The following KCNMA1 variants were observed in gnomAD, a reference collection of about 807,000 sequenced individuals.
KCNMA1 encodes Calcium-activated potassium channel subunit alpha-1.
Under a neutral mutation model 140.0 loss-of-function variants are expected in KCNMA1, and 29 were observed. That is an observed-to-expected ratio of 0.21 (90% CI 0.15 to 0.28). The LOEUF is 0.28. Among genes scored for constraint, KCNMA1 ranks in the 10% least tolerant of loss-of-function variants. KCNMA1 has a pLI of 1.00. For missense variants in KCNMA1, 880 were observed against 1,602.2 expected (o/e 0.55, Z 7.70); for synonymous variants, 612 against 611.9 (o/e 1.00, Z 0.00).
At chr10:76,983,250 A>T (rs2080125766) in intron 19 of KCNMA1, among the ~76,000 whole-genome samples, 1 of 152,252 alleles carries the variant, frequency 6.6e-6, no homozygotes, top group African/African-American at 2.4e-5. Context: ...ACATTTCAAG[A>T]TGTTCTCTGT....
At chr10:77,348,594 G>C (rs1051494294) in intron 2 of KCNMA1, among the ~76,000 whole-genome samples, 1 of 152,206 alleles carries the variant, frequency 6.6e-6, no homozygotes, top group Non-Finnish European at 1.5e-5. Context: ...ACATTAGCTT[G>C]GGCTGCTGGG....
At chr10:77,201,294 T>A (rs2042371711) in intron 3 of KCNMA1, among the ~76,000 whole-genome samples, 1 of 152,132 alleles carries the variant, frequency 6.6e-6, no homozygotes, top group Non-Finnish European at 1.5e-5. Context: ...GACCATGCGG[T>A]CATATTTGTT....
chr10:76,990,001 C>T (rs1338763283), intron 19 of KCNMA1, among the ~76,000 whole-genome samples: 1 of 152,110 alleles, frequency 6.6e-6, no homozygotes, highest in African/African-American at 2.4e-5. Context: ...CAACATATAC[C>T]AGGCAATCTT....
chr10:76,879,441 G>A (rs2033641970), intron 29 of KCNMA1, among the ~76,000 whole-genome samples: 1 of 152,122 alleles, frequency 6.6e-6, no homozygotes, highest in Non-Finnish European at 1.5e-5. Context: ...TCCTCACAGT[G>A]AAGCTAACTG....
intron 1 of KCNMA1, among the ~76,000 whole-genome samples, chr10:77,534,005 C>G (rs931018792): frequency 2.1e-4 from 32 of 152,252 alleles, no homozygotes; most frequent in African/African-American, 7.7e-4. Context: ...TTGGTGCTGG[C>G]CTCTAGGCCA....
chr10:77,549,020 C>T (rs1409837362), intron 1 of KCNMA1, among the ~76,000 whole-genome samples: 1 of 152,224 alleles, frequency 6.6e-6, no homozygotes, highest in African/African-American at 2.4e-5. Context: ...TCTTCCCACT[C>T]TGGGCCATTC....
chr10:77,096,944 T>G (rs986977132), intron 9 of KCNMA1, among the ~76,000 whole-genome samples: 1 of 152,146 alleles, frequency 6.6e-6, no homozygotes, highest in Non-Finnish European at 1.5e-5. Flanking sequence ...GAAGTACTTC[T>G]CAAGAGAACC....
intron 1 of KCNMA1, among the ~76,000 whole-genome samples, chr10:77,611,854 C>A (rs141351621): frequency 2.0e-5 from 3 of 152,106 alleles, no homozygotes; most frequent in Non-Finnish European, 4.4e-5. Context: ...AGACTAGGTA[C>A]GCAGGGGACA....
chr10:77,214,754 T>C (rs1028514886), intron 3 of KCNMA1, among the ~76,000 whole-genome samples: 12 of 152,304 alleles, frequency 7.9e-5, no homozygotes, highest in African/African-American at 2.9e-4. Context: ...CCACTCCCTC[T>C]GCCTGAAACC....
At chr10:77,426,170 G>A (rs998038418) in intron 1 of KCNMA1, among the ~76,000 whole-genome samples, 1 of 152,192 alleles carries the variant, frequency 6.6e-6, no homozygotes, top group Non-Finnish European at 1.5e-5. Flanking sequence ...ACATATTTAT[G>A]GCCCCTGAAA....
intron 3 of KCNMA1, among the ~76,000 whole-genome samples, chr10:77,227,921 T>C (rs1362159003): frequency 6.6e-6 from 1 of 151,962 alleles, no homozygotes; most frequent in Non-Finnish European, 1.5e-5. Context: ...AGGTGATACT[T>C]ACAAGGGCCA....
At position 77,064,568 on chromosome 10, in the gene KCNMA1, A is replaced by G. The variant is rs149493770; in HGVS notation, c.1749+8529T>C. On this transcript the variant is annotated intron_variant, in intron 14 of 27. Coordinates refer to ENST00000286628, the MANE Select transcript of KCNMA1 (RefSeq NM_001161352.2). The stretch of plus-strand genomic sequence containing the variant: ...TAGAAATTACCAGGGCCATAGGGGA[A>G]ATGAATCCCTGTTAATAGCTCATGG... 8.9e-4 allele frequency among the ~76,000 whole-genome samples: 135 copies of G among 152,318 alleles called. 2 individuals carry two copies. In the East Asian group the frequency reaches 0.024, roughly 28 times the overall value.
chr10:76,887,528 A>G lies in KCNMA1; in HGVS notation c.3462-13T>C. ...GGTGATGACATACCTGGACAGGGAAAGCAGAGATGTCACCTCCTGAGAGTA... is the reference window on the plus strand; with the variant it reads ...GGTGATGACATACCTGGACAGGGAAGGCAGAGATGTCACCTCCTGAGAGTA... On this transcript the variant is annotated splice_polypyrimidine_tract_variant and intron_variant, in intron 27 of 27. Transcript: ENST00000286628. 6.2e-7 allele frequency: 1 copy of G among 1,614,144 alleles called. No individual in the cohort carries two copies. Among genetic ancestry groups the G allele is most frequent in the Non-Finnish European group, 8.5e-7 (1 of 1,179,996 alleles).
intron 2 of KCNMA1, among the ~76,000 whole-genome samples, chr10:77,336,969 G>A (rs1367852049): frequency 6.6e-6 from 1 of 152,220 alleles, no homozygotes; most frequent in East Asian, 1.9e-4. Flanking sequence ...TAGGTCACAG[G>A]TCACCTCTTT....
chr10:76,904,007 C>A (rs1451293756), intron 25 of KCNMA1: 1 of 152,150 alleles, frequency 6.6e-6, no homozygotes, highest in Non-Finnish European at 1.5e-5. Flanking sequence ...TGCACACAAA[C>A]ACATAAATAT....
chr10:76,978,764 G>A (rs181850305), intron 19 of KCNMA1, among the ~76,000 whole-genome samples: 396 of 152,212 alleles, frequency 2.6e-3, no homozygotes, highest in Non-Finnish European at 3.9e-3. Context: ...CACTGCTCCT[G>A]GCACCCTGGA....
chr10:77,506,620 T>TGTGTGTGTGTGTGTG (rs1567212074), intron 1 of KCNMA1, among the ~76,000 whole-genome samples: 8 of 104,188 alleles, frequency 7.7e-5, no homozygotes, highest in African/African-American at 2.8e-4. Flanking sequence ...TGTGTGTGTG[T>TGTGTGTGTGTGTGTG]TAGAGAGGGA....
chr10:76,957,145 A>G (rs1047064515), intron 20 of KCNMA1, among the ~76,000 whole-genome samples: 1 of 151,532 alleles, frequency 6.6e-6, no homozygotes, highest in African/African-American at 2.4e-5. Flanking sequence ...AAAAAAAAAA[A>G]AAAAAAATTA....
At chr10:77,154,872 TA>T (rs1460777689) in intron 5 of KCNMA1, among the ~76,000 whole-genome samples, 1 of 152,254 alleles carries the variant, frequency 6.6e-6, no homozygotes, top group African/African-American at 2.4e-5. Context: ...AATGCTTGTA[TA>T]AATTGCTATA....
Sources: gnomAD v4.1 joint callset for allele counts (sites outside exome capture counted in the v4.1 genomes callset) on GRCh38, gnomAD v4.1.1 for gene constraint, MANE v1.5 for transcripts, NCBI Gene and HGNC (gene_info 2026-07-23, HGNC 2026-07-21) for gene names.